PATL2: variants seen among roughly 807,000 people sequenced by gnomAD.
PATL2 encodes the protein PAT1 homolog 2.
In PATL2, 73 loss-of-function variants were observed where a neutral mutation model predicts 77.0. The observed-to-expected ratio is 0.95, with a 90% confidence interval of 0.78 to 1.15. The LOEUF is 1.15. Among genes scored for constraint, PATL2 ranks in the 50% most tolerant of loss-of-function variants. PATL2 has a pLI of 0.00. For synonymous variants in PATL2, 265 were observed against 257.1 expected, an observed-to-expected ratio of 1.03 and a Z score of -0.29; for missense variants, 618 against 655.4, an observed-to-expected ratio of 0.94 and a Z score of 0.62.
At chr15:44,690,813 A>G (rs2086374403) in intron 3 of PATL2, among the ~76,000 whole-genome samples, 1 of 152,148 alleles carries the variant, frequency 6.6e-6, no homozygotes, top group Non-Finnish European at 1.5e-5. Flanking sequence ...ATATTATCCA[A>G]TCAGTAACCA....
intron 3 of PATL2, among the ~76,000 whole-genome samples, chr15:44,700,181 G>A (rs1044562560): frequency 6.6e-6 from 1 of 152,076 alleles, no homozygotes; most frequent in Non-Finnish European, 1.5e-5. Flanking sequence ...TTTCATCAGT[G>A]TTTTATAGTT....
intron 3 of PATL2, among the ~76,000 whole-genome samples, chr15:44,686,654 C>T (rs1393984540): frequency 2.0e-5 from 3 of 151,728 alleles, no homozygotes. Context: ...AAATAGACAA[C>T]TAGCCATACT....
At chr15:44,670,185 G>A in intron 9 of PATL2, 98 bp from the exon 10 acceptor site, 1 of 1,452,478 alleles carries the variant, frequency 6.9e-7, no homozygotes, top group Non-Finnish European at 9.2e-7. Flanking sequence ...CTTAAGTTTA[G>A]TTTTTTTGTG....
chr15:44,673,976 G>T (rs921293329), intron 6 of PATL2, among the ~76,000 whole-genome samples, 174 bp downstream of exon 6: 7 of 152,154 alleles, frequency 4.6e-5, no homozygotes, highest in African/African-American at 1.7e-4. Flanking sequence ...CCATGCCCCT[G>T]CTTGGGCACA....
chr15:44,703,411 G>A (rs1410666413), intron 3 of PATL2, among the ~76,000 whole-genome samples: 1 of 152,018 alleles, frequency 6.6e-6, no homozygotes, highest in Non-Finnish European at 1.5e-5. Context: ...TTATTGTATT[G>A]GGGTCTATCT....
chr15:44,676,110 A>C (rs1595970859), intron 4 of PATL2: 1 of 361,996 alleles, frequency 2.8e-6, no homozygotes, highest in Non-Finnish European at 5.1e-6. Flanking sequence ...ATTAAGTTCT[A>C]GCACAGCCTT....
chr15:44,709,146 G>A (rs914269855), intron 3 of PATL2, among the ~76,000 whole-genome samples: 3 of 152,000 alleles, frequency 2.0e-5, no homozygotes, highest in Admixed American at 6.6e-5. Context: ...TGATCTGCCC[G>A]CCTTGACCTC....
At chr15:44,709,308 A>AT (rs2086802675) in intron 3 of PATL2, among the ~76,000 whole-genome samples, 1 of 152,126 alleles carries the variant, frequency 6.6e-6, no homozygotes, top group South Asian at 2.1e-4. Context: ...TTGTAAAAAA[A>AT]TTTTAAGAGG....
At chr15:44,687,125 A>T (rs1184938677) in intron 3 of PATL2, among the ~76,000 whole-genome samples, 1 of 152,260 alleles carries the variant, frequency 6.6e-6, no homozygotes, top group Non-Finnish European at 1.5e-5. Flanking sequence ...AAAGGTCAAT[A>T]TCCCTGATGA....
chr15:44,666,257 C>T (rs1274876786), intron 17 of PATL2, 135 bp downstream of exon 17: 1 of 1,217,998 alleles, frequency 8.2e-7, no homozygotes. Flanking sequence ...CAGTAAATGT[C>T]AGTGTGTAGA....
intron 5 of PATL2, 62 bp from the exon 6 acceptor site, chr15:44,674,292 C>T (rs2141204200): frequency 1.5e-6 from 2 of 1,295,720 alleles, no homozygotes; most frequent in East Asian, 5.2e-5. Flanking sequence ...TCTGCATTCA[C>T]CTGTGTTTTT....
chr15:44,673,388 A>C lies in PATL2; in HGVS notation c.304-11T>G, dbSNP rs955060866. 3 of 1,551,348 alleles carry C rather than the reference A, an allele frequency of 1.9e-6. No individual in the cohort carries two copies. The African/African-American group carries it at 4.1e-5, about 21-fold the overall frequency. ...CAGGTAGTCCAAGGTCTGAGAGAGG[A>C]ATTAAGAGGTCTGGGAGAACGCCAT... On this transcript the variant is annotated splice_polypyrimidine_tract_variant and intron_variant, in intron 6 of 17. Transcript: ENST00000682850.
chr15:44,673,250 C>T lies in PATL2; in HGVS notation c.431G>A (p.Trp144Ter). 6.4e-7 allele frequency: 1 copy of T among 1,551,494 alleles called. No homozygotes were observed. The highest frequency in any genetic ancestry group is 8.7e-7 in the Non-Finnish European group (1 of 1,146,962). Reference protein sequence around the residue: ...PTLFCSLLTSWPPRFSHLTQL... With the variant: ...PTLFCSLLTS Reference sequence around the variant, plus strand: ...AAACCAGTACCTGAACCTAGGGGGCCACGAGGTCAGCAGGCTGCAGAAGAG... The same window carrying T: ...AAACCAGTACCTGAACCTAGGGGGCTACGAGGTCAGCAGGCTGCAGAAGAG... Residue 144 changes from tryptophan (W) to a stop codon, truncating the protein, a stop_gained, in exon 7 of 18, where the codon TGG (tryptophan) becomes TAG (stop). Transcript: ENST00000682850. LOFTEE classifies it high-confidence loss of function.
rs1490938946 is a variant in PATL2 at position 44,666,453 on chromosome 15, G to C, written c.1552C>G (p.Leu518Val). 1 of 1,551,754 alleles carries C rather than the reference G, an allele frequency of 6.4e-7. No homozygotes were observed. The highest frequency in any genetic ancestry group is 8.7e-7 in the Non-Finnish European group (1 of 1,146,992). Residue 518 changes from leucine (L) to valine (V), a missense_variant, in exon 17 of 18, where the codon CTT becomes GTT. By Grantham distance (32) the Leu-to-Val change is conservative (BLOSUM62 1). Coordinates refer to ENST00000682850, the MANE Select transcript of PATL2 (RefSeq NM_001387263.1). ...TCCACGTGGTGACAGAACAGGGGAA[G>C]TAGGTTGCTGGGGAAAGCTAGGGGT... Reference protein sequence around the residue: ...AEPLAFPSNLLPLFCHHVDKQ... With the variant: ...AEPLAFPSNLVPLFCHHVDKQ...
intron 5 of PATL2, chr15:44,674,501 G>C (rs2085852001): frequency 3.0e-6 from 1 of 336,834 alleles, no homozygotes; most frequent in Non-Finnish European, 5.4e-6. Flanking sequence ...GAACTGGATA[G>C]TACTAAACCC....
At chr15:44,703,013 T>C (rs2264238) in intron 3 of PATL2, among the ~76,000 whole-genome samples, 151,995 of 152,210 alleles carry the variant, frequency 1, 75,896 homozygotes, top group Middle Eastern at 1. Flanking sequence ...CGGTGGCTCA[T>C]GCCTGTAACT....
chr15:44,694,536 C>T (rs2086462935), intron 3 of PATL2, among the ~76,000 whole-genome samples: 1 of 152,080 alleles, frequency 6.6e-6, no homozygotes, highest in African/African-American at 2.4e-5. Context: ...GTGTGTGTGT[C>T]TGTCTCCTAC....
chr15:44,701,814 C>T (rs1030578009), intron 3 of PATL2, among the ~76,000 whole-genome samples: 1 of 151,878 alleles, frequency 6.6e-6, no homozygotes, highest in Non-Finnish European at 1.5e-5. Flanking sequence ...GGCATCTGCT[C>T]AGCTACTGGG....
chr15:44,675,241 T>A (rs754401556), intron 5 of PATL2: 5 of 490,696 alleles, frequency 1.0e-5, no homozygotes, highest in Non-Finnish European at 1.4e-5. Context: ...GGCCACCGCC[T>A]GTGGGCGATG....
Sources: gnomAD v4.1 joint callset for allele counts (sites outside exome capture counted in the v4.1 genomes callset) on GRCh38, gnomAD v4.1.1 for gene constraint, MANE v1.5 for transcripts, NCBI Gene and HGNC (gene_info 2026-07-23, HGNC 2026-07-21) for gene names.